The following JAZF1 variants were observed in gnomAD, a reference collection of about 807,000 sequenced individuals.
JAZF1 encodes juxtaposed with another zinc finger protein 1.
In JAZF1, 8 loss-of-function variants were observed where a neutral mutation model predicts 26.4. The ratio of observed to expected loss-of-function variants is 0.30; its 90% CI spans 0.18 to 0.55. The LOEUF (loss-of-function observed/expected upper bound fraction) is 0.55. Ranked by LOEUF, JAZF1 falls within the 20% of genes least tolerant of loss-of-function variation. The pLI is 0.94. For missense variants in JAZF1, 199 were observed against 322.0 expected (o/e 0.62, Z 2.92); for synonymous variants, 126 against 122.3 (o/e 1.03, Z -0.20).
chr7:27,860,048 T>C lies in JAZF1; in HGVS notation c.386-19181A>G, dbSNP rs185058954. Among the ~76,000 whole-genome samples the C allele has an allele frequency of 6.4e-4, 97 of 152,344 alleles. 1 individual carries two copies. The highest frequency in any genetic ancestry group is 1.1e-3 in the Non-Finnish European group (77 of 68,034). The stretch of plus-strand genomic sequence containing the variant: ...TCCTTACAATAGTCACACATTTATT[T>C]CTTAATTTAACCCACTACCAAGAGG... On this transcript the variant is annotated intron_variant, in intron 3 of 4. Transcript: ENST00000283928.
chr7:28,045,373 A>T (rs916906474), intron 1 of JAZF1, among the ~76,000 whole-genome samples: 12 of 152,030 alleles, frequency 7.9e-5, no homozygotes, highest in African/African-American at 1.9e-4. Context: ...GTTTCTAAGG[A>T]CTCTTGAGAA....
intron 2 of JAZF1, among the ~76,000 whole-genome samples, chr7:27,930,720 A>G (rs531231421): frequency 6.6e-6 from 1 of 152,342 alleles, no homozygotes; most frequent in South Asian, 2.1e-4. Context: ...TCTACCACTA[A>G]GAAAATGTTC....
At chr7:27,974,852 C>T (rs1196434652) in intron 2 of JAZF1, among the ~76,000 whole-genome samples, 1 of 150,516 alleles carries the variant, frequency 6.6e-6, no homozygotes, top group African/African-American at 2.4e-5. Context: ...AGTATGGTGC[C>T]AATATCTGCT....
At chr7:28,145,295 T>C (rs1293612535) in intron 1 of JAZF1, among the ~76,000 whole-genome samples, 6 of 152,200 alleles carry the variant, frequency 3.9e-5, no homozygotes, top group Non-Finnish European at 7.3e-5. Flanking sequence ...TCTTTGCTTT[T>C]CCGGGTACTG....
chr7:28,067,939 G>A (rs1466264084), intron 1 of JAZF1, among the ~76,000 whole-genome samples: 3 of 152,152 alleles, frequency 2.0e-5, no homozygotes, highest in African/African-American at 7.2e-5. Flanking sequence ...TTGAGACAGA[G>A]TTTCGCTCTT....
chr7:27,866,441 T>C (rs1783474888), intron 3 of JAZF1, among the ~76,000 whole-genome samples: 1 of 152,142 alleles, frequency 6.6e-6, no homozygotes, highest in South Asian at 2.1e-4. Flanking sequence ...GACAGTTATC[T>C]CACCTCTCCA....
At chr7:27,851,879 C>A (rs891172790) in intron 3 of JAZF1, among the ~76,000 whole-genome samples, 1 of 151,838 alleles carries the variant, frequency 6.6e-6, no homozygotes, top group Non-Finnish European at 1.5e-5. Context: ...TGACCTCGGG[C>A]CAGTGGAGGG....
chr7:27,918,364 T>C (rs921916939), intron 2 of JAZF1, among the ~76,000 whole-genome samples: 1 of 152,212 alleles, frequency 6.6e-6, no homozygotes, highest in African/African-American at 2.4e-5. Flanking sequence ...TCTCTTTGTG[T>C]GAACAACAAT....
intron 3 of JAZF1, chr7:27,843,716 C>CTGGG (rs1214429952): frequency 5.3e-5 from 8 of 152,252 alleles, no homozygotes; most frequent in African/African-American, 2.4e-5. Context: ...GGGAGCGCAG[C>CTGGG]TGGGGCTCAG....
intron 1 of JAZF1, among the ~76,000 whole-genome samples, chr7:28,094,984 G>C (rs1050338115): frequency 6.6e-6 from 1 of 152,090 alleles, no homozygotes; most frequent in Admixed American, 6.5e-5. Context: ...TGGCACCCCA[G>C]AGAAGGGCAC....
chr7:28,017,306 A>G (rs989854217), intron 1 of JAZF1, among the ~76,000 whole-genome samples: 6 of 150,782 alleles, frequency 4.0e-5, no homozygotes, highest in African/African-American at 1.2e-4. Context: ...AGCTGAGATC[A>G]CACCACTGTA....
intron 2 of JAZF1, among the ~76,000 whole-genome samples, chr7:27,934,467 AC>A (rs1784732804): frequency 1.9e-4 from 1 of 5,132 alleles, no homozygotes; most frequent in South Asian, 0.05. Context: ...TACCATACAT[AC>A]ACACACACAC....
intron 1 of JAZF1, among the ~76,000 whole-genome samples, chr7:28,169,066 C>T (rs1415498194): frequency 6.6e-6 from 1 of 152,226 alleles, no homozygotes; most frequent in African/African-American, 2.4e-5. Flanking sequence ...TTCCACAAGC[C>T]ACAGATGAGA....
intron 1 of JAZF1, among the ~76,000 whole-genome samples, chr7:28,150,802 A>G (rs1331423782): frequency 1.3e-5 from 2 of 152,186 alleles, no homozygotes; most frequent in African/African-American, 2.4e-5. Flanking sequence ...CTGACAACTG[A>G]AGGAGACTGG....
intron 2 of JAZF1, among the ~76,000 whole-genome samples, chr7:27,919,782 A>G (rs747820277): frequency 7.9e-5 from 12 of 152,190 alleles, no homozygotes; most frequent in Non-Finnish European, 1.2e-4. Flanking sequence ...CATTTATTAA[A>G]TAATTAATAC....
At chr7:27,880,409 C>T (rs192503414) in intron 3 of JAZF1, among the ~76,000 whole-genome samples, 29 of 152,110 alleles carry the variant, frequency 1.9e-4, no homozygotes, top group South Asian at 1.2e-3. Flanking sequence ...GTGAGGTGGG[C>T]GGATCACGAG....
At chr7:27,983,216 A>G (rs1236483362) in intron 2 of JAZF1, among the ~76,000 whole-genome samples, 1 of 152,156 alleles carries the variant, frequency 6.6e-6, no homozygotes, top group African/African-American at 2.4e-5. Flanking sequence ...GATCAGACTA[A>G]TGGCTAACTA....
intron 2 of JAZF1, among the ~76,000 whole-genome samples, chr7:27,965,209 C>T (rs188318326): frequency 1.3e-5 from 2 of 152,256 alleles, no homozygotes; most frequent in Admixed American, 1.3e-4. Context: ...AGTCATTGTA[C>T]ACCCAACATA....
intron 1 of JAZF1, among the ~76,000 whole-genome samples, chr7:28,108,488 C>A (rs560727791): frequency 1.3e-5 from 2 of 152,200 alleles, no homozygotes; most frequent in Non-Finnish European, 2.9e-5. Flanking sequence ...TCTCTCTGCT[C>A]CTCTAACATT....
Sources: gnomAD v4.1 joint callset for allele counts (sites outside exome capture counted in the v4.1 genomes callset) on GRCh38, gnomAD v4.1.1 for gene constraint, MANE v1.5 for transcripts, NCBI Gene and HGNC (gene_info 2026-07-23, HGNC 2026-07-21) for gene names.